Variants in TBXAS1 observed in about 807,000 individuals in gnomAD.
TBXAS1 encodes thromboxane-A synthase.
Under a neutral mutation model 60.7 loss-of-function variants are expected in TBXAS1, and 48 were observed. That is an observed-to-expected ratio of 0.79 (90% CI 0.63 to 1.01). The LOEUF is 1.01. Ranked by LOEUF, TBXAS1 falls within the 50% of genes least tolerant of loss-of-function variation. TBXAS1 has a pLI of 0.00. For synonymous variants in TBXAS1, 287 were observed against 269.7 expected (o/e 1.06, Z -0.63); for missense variants, 685 against 686.3 (o/e 1.00, Z 0.02).
chr7:139,818,633 G>T (rs1199874231), intron 4 of TBXAS1, among the ~76,000 whole-genome samples: 3 of 152,162 alleles, frequency 2.0e-5, no homozygotes, highest in East Asian at 1.9e-4. Context: ...CTACTTGAGG[G>T]TTTACCATTA....
intron 3 of TBXAS1, among the ~76,000 whole-genome samples, chr7:139,892,196 A>G (rs1803672955): frequency 6.6e-6 from 1 of 152,206 alleles, no homozygotes; most frequent in Non-Finnish European, 1.5e-5. Context: ...CCGTACCAGA[A>G]AGAGCACTGG....
intron 3 of TBXAS1, among the ~76,000 whole-genome samples, chr7:139,910,251 CAT>C (rs1160663084): frequency 2.0e-5 from 3 of 152,166 alleles, no homozygotes; most frequent in Non-Finnish European, 4.4e-5. Context: ...TATAATATGA[CAT>C]GTGTTTACGC....
chr7:139,825,269 A>G (rs1271520843), upstream of TBXAS1, among the ~76,000 whole-genome samples: 1 of 152,176 alleles, frequency 6.6e-6, no homozygotes, highest in Non-Finnish European at 1.5e-5. Context: ...CACAGGTACC[A>G]AAATTGTAAT....
At chr7:139,991,245 A>G (rs1388648650) in intron 9 of TBXAS1, among the ~76,000 whole-genome samples, 1 of 152,216 alleles carries the variant, frequency 6.6e-6, no homozygotes, top group African/African-American at 2.4e-5. Flanking sequence ...TTGCTTCAGC[A>G]TAAGCCTCAC....
intron 4 of TBXAS1, among the ~76,000 whole-genome samples, chr7:139,813,054 C>A (rs1798056445): frequency 6.9e-6 from 1 of 145,936 alleles, no homozygotes; most frequent in South Asian, 2.2e-4. Flanking sequence ...AAAACTCGGT[C>A]TCAAATAAAT....
chr7:139,953,968 C>T (rs2117323253), intron 6 of TBXAS1, among the ~76,000 whole-genome samples: 1 of 152,216 alleles, frequency 6.6e-6, no homozygotes, highest in Middle Eastern at 3.4e-3. Flanking sequence ...TGAATGTGGC[C>T]CAACACAAAT....
rs991777278 is a variant in TBXAS1, at chr7:139,785,874, G to C, written c.-168-1464G>C. On this transcript the variant is annotated intron_variant, in intron 3 of 16. Transcript: ENST00000336425. ...GTACATGCCAGCCTCTGCCCAGAGT[G>C]TCCTGAACTCCACGTCTTCCCCATC... is the stretch of plus-strand genomic sequence containing the variant. Among the ~76,000 whole-genome samples the C allele has an allele frequency of 4.6e-5, 7 of 151,420 alleles. No homozygotes were observed. In the South Asian group the frequency reaches 1.5e-3, roughly 32 times the overall value.
At chr7:139,838,899 A>G (rs1799243920) in intron 1 of TBXAS1, among the ~76,000 whole-genome samples, 1 of 152,224 alleles carries the variant, frequency 6.6e-6, no homozygotes, top group African/African-American at 2.4e-5. Context: ...TGCTAAGACG[A>G]TTAACACACA....
Position 139,996,636 on chromosome 7 carries a change from C to G in TBXAS1, c.1135-10455C>G, listed in dbSNP as rs150325194. On this transcript the variant is annotated intron_variant, in intron 9 of 12. Coordinates refer to ENST00000448866, the MANE Select transcript of TBXAS1 (RefSeq NM_001061.7). ...TGAAACCAGGGAATCCCTTTCATCT[C>G]TCTTCATTCCCTGACCCGTTAAATC... 6.0e-4 allele frequency among the ~76,000 whole-genome samples: 92 copies of G among 152,352 alleles called. 1 individual carries two copies. In the East Asian group the frequency reaches 0.016, roughly 27 times the overall value.
chr7:139,913,628 C>T (rs1211995915), intron 4 of TBXAS1: 1 of 154,738 alleles, frequency 6.5e-6, no homozygotes, highest in Non-Finnish European at 1.4e-5. Context: ...TTGCCCTCAG[C>T]TTTGATCAAT....
chr7:139,916,843 T>C lies in TBXAS1; in HGVS notation c.333+5522T>C, dbSNP rs1038723149. Among the ~76,000 whole-genome samples, 6 of 152,240 alleles carry C rather than the reference T, an allele frequency of 3.9e-5. No homozygotes were observed. Among genetic ancestry groups the C allele is most frequent in the African/African-American group, 1.4e-4 (6 of 41,470 alleles). On this transcript the variant is annotated intron_variant, in intron 4 of 12. Coordinates refer to ENST00000448866, the MANE Select transcript of TBXAS1 (RefSeq NM_001061.7). The surrounding 1 kb of genome is among the most constrained non-coding windows in gnomAD (Gnocchi z 4.2). ...TGTGCGGGGGCCACAGGGACCCGCC[T>C]GCTGGCATCCATTGAGGAGAGAGGG...
intron 8 of TBXAS1, among the ~76,000 whole-genome samples, chr7:139,958,806 C>G (rs1027841029): frequency 3.3e-5 from 5 of 152,248 alleles, no homozygotes; most frequent in African/African-American, 1.2e-4. Context: ...ACTGTGAACT[C>G]AACTCGCATG....
intron 4 of TBXAS1, among the ~76,000 whole-genome samples, chr7:139,807,173 G>A (rs140001687): frequency 7.9e-4 from 120 of 152,292 alleles, no homozygotes; most frequent in Non-Finnish European, 1.4e-3. Context: ...TGGTCTCAGA[G>A]GTCATCAGGG....
chr7:139,946,525 G>A (rs1808729794), intron 5 of TBXAS1, among the ~76,000 whole-genome samples: 1 of 152,192 alleles, frequency 6.6e-6, no homozygotes, highest in Admixed American at 6.5e-5. Flanking sequence ...GGTGACTGAG[G>A]AGATAAATAT....
intron 9 of TBXAS1, among the ~76,000 whole-genome samples, chr7:139,978,933 C>A (rs544281294): frequency 1.3e-5 from 2 of 151,820 alleles, no homozygotes; most frequent in African/African-American, 4.8e-5. Context: ...CTAGCATGGG[C>A]GACAAAACAA....
At chr7:139,822,392 A>G (rs2116445934) in intron 4 of TBXAS1, among the ~76,000 whole-genome samples, 1 of 151,204 alleles carries the variant, frequency 6.6e-6, no homozygotes, top group South Asian at 2.1e-4. Flanking sequence ...CCTTCTCAGC[A>G]CTCTACCTGT....
At chr7:140,017,523 G>C in intron 11 of TBXAS1, 148 bp from the exon 12 acceptor site, 2 of 1,058,046 alleles carry the variant, frequency 1.9e-6, no homozygotes, top group Middle Eastern at 3.1e-4. Context: ...AGCAGAGAGG[G>C]ACTGAGGCTC....
rs540475064 is a variant in TBXAS1, at chr7:139,890,302, G to A, written c.236+14665G>A. 3.3e-3 allele frequency among the ~76,000 whole-genome samples: 429 copies of A among 130,516 alleles called. 2 individuals are homozygous for A. Among genetic ancestry groups the A allele is most frequent in the Non-Finnish European group, 2.9e-3 (186 of 64,286 alleles). 85.6% of individuals were successfully genotyped at this position (130,516 alleles called of 152,430 possible). The stretch of plus-strand genomic sequence containing the variant: ...GCGATCTCCGCTCACTGCAAGCTCC[G>A]CCTTCCGGGTTCACACCATTCTCCT... On this transcript the variant is annotated intron_variant, in intron 3 of 12. Coordinates refer to ENST00000448866, the MANE Select transcript of TBXAS1 (RefSeq NM_001061.7).
chr7:140,019,378 T>C (rs1815357955), intron 12 of TBXAS1, among the ~76,000 whole-genome samples: 1 of 152,104 alleles, frequency 6.6e-6, no homozygotes, highest in Non-Finnish European at 1.5e-5. Flanking sequence ...GATCTCAACA[T>C]ACAGTGCAGC....
Sources: gnomAD v4.1 joint callset for allele counts (sites outside exome capture counted in the v4.1 genomes callset) on GRCh38, gnomAD v4.1.1 for gene constraint, Gnocchi (gnomAD v3.1) non-coding constraint, MANE v1.5 for transcripts, NCBI Gene and HGNC (gene_info 2026-07-23, HGNC 2026-07-21) for gene names.